SGCD: variants seen among roughly 807,000 people sequenced by gnomAD.
The protein encoded by SGCD is sarcoglycan delta, also known as delta-sarcoglycan.
A neutral mutation model predicts 36.6 loss-of-function variants in SGCD; 18 were observed. That is an observed-to-expected ratio of 0.49 (90% CI 0.34 to 0.73). The LOEUF (loss-of-function observed/expected upper bound fraction) is 0.73, where lower values mean the gene tolerates loss of function less well. Ranked by LOEUF, SGCD falls within the 30% of genes least tolerant of loss-of-function variation. The pLI is 0.01. For synonymous variants in SGCD, 133 were observed against 130.6 expected, an observed-to-expected ratio of 1.02 and a Z score of -0.12; for missense variants, 387 against 346.7, an observed-to-expected ratio of 1.12 and a Z score of -0.92.
At chr5:156,531,385 A>G (rs1378863001) in intron 4 of SGCD, among the ~76,000 whole-genome samples, 1 of 152,252 alleles carries the variant, frequency 6.6e-6, no homozygotes, top group Non-Finnish European at 1.5e-5. Context: ...CAGATGGACT[A>G]AAACAGAAAT....
At chr5:156,324,450 A>G (rs118189733), upstream of SGCD, among the ~76,000 whole-genome samples, 305 of 152,354 alleles carry the variant, frequency 2.0e-3, 6 homozygotes, top group East Asian at 0.042. Context: ...ATTGAAAAAA[A>G]AAAGACTACC....
At chr5:156,482,813 G>T (rs1445685595) in intron 3 of SGCD, among the ~76,000 whole-genome samples, 42 of 83,350 alleles carry the variant, frequency 5.0e-4, no homozygotes, top group South Asian at 2.1e-3. Flanking sequence ...CTTTTGGTCA[G>T]TTTTTTTTTT....
chr5:156,652,812 T>C (rs7731165), intron 7 of SGCD, among the ~76,000 whole-genome samples: 130,494 of 151,956 alleles, frequency 0.86, 56,216 homozygotes, highest in East Asian at 0.98. Context: ...ACAGGGATGT[T>C]GGATTTTATT....
In SGCD at chr5:156,007,145, G is replaced by A. The variant is rs116400023; in HGVS notation, c.-281-110733G>A. On this transcript the variant is annotated intron_variant, in intron 1 of 9. Coordinates refer to the SGCD transcript ENST00000517913. The stretch of plus-strand genomic sequence containing the variant: ...CCTCTAGACTCACCCCTAATCCTTC[G>A]GTAAAGGGTTGACCCCTGGCTGGCA... 5.1e-3 allele frequency among the ~76,000 whole-genome samples: 780 copies of A among 152,200 alleles called. 5 individuals carry two copies. The highest frequency in any genetic ancestry group is 0.023 in the East Asian group (117 of 5,164).
At chr5:156,391,433 G>A (rs545249323) in intron 3 of SGCD, among the ~76,000 whole-genome samples, 17 of 152,230 alleles carry the variant, frequency 1.1e-4, no homozygotes, top group South Asian at 8.3e-4. Context: ...TGGGTTTCCC[G>A]TCTGTGTATT....
At chr5:156,626,463 T>C (rs1018184618) in intron 6 of SGCD, among the ~76,000 whole-genome samples, 2 of 152,156 alleles carry the variant, frequency 1.3e-5, no homozygotes, top group Non-Finnish European at 2.9e-5. Context: ...AGATGAGAGC[T>C]CTCCAGCAGA....
At chr5:156,614,468 T>C (rs916806770) in intron 6 of SGCD, among the ~76,000 whole-genome samples, 7 of 152,182 alleles carry the variant, frequency 4.6e-5, no homozygotes, top group Non-Finnish European at 7.3e-5. Context: ...CAGGTATTCC[T>C]CTCCTTTTTG....
At chr5:156,537,982 T>G (rs1322950793) in intron 4 of SGCD, among the ~76,000 whole-genome samples, 3 of 152,130 alleles carry the variant, frequency 2.0e-5, no homozygotes, top group Non-Finnish European at 1.5e-5. Flanking sequence ...ATCTTTTCCT[T>G]GCAGCCAGAT....
At chr5:155,743,215 AGTT>A in the SGCD span, among the ~76,000 whole-genome samples, 1 of 152,234 alleles carries the variant, frequency 6.6e-6, no homozygotes, top group Non-Finnish European at 1.5e-5. Context: ...ACAATCACAT[AGTT>A]GAGACCTCTG....
At chr5:155,732,076 C>G in the SGCD span, among the ~76,000 whole-genome samples, 1 of 152,158 alleles carries the variant, frequency 6.6e-6, no homozygotes, top group African/African-American at 2.4e-5. Context: ...CACAGTAGTT[C>G]CAGGGGAAGG....
At chr5:155,963,649 C>CT (rs1295983817) in intron 1 of SGCD, among the ~76,000 whole-genome samples, 1 of 152,036 alleles carries the variant, frequency 6.6e-6, no homozygotes, top group Non-Finnish European at 1.5e-5. Context: ...GCTAAGAAAA[C>CT]TGAGACTCAG....
intron 3 of SGCD, among the ~76,000 whole-genome samples, chr5:156,385,399 G>A (rs2127750778): frequency 6.6e-6 from 1 of 152,340 alleles, no homozygotes; most frequent in South Asian, 2.1e-4. Context: ...ATGATTGCAA[G>A]TAAGAAGTTA....
intron 1 of SGCD, among the ~76,000 whole-genome samples, chr5:155,998,755 G>T (rs1282233822): frequency 6.6e-6 from 1 of 152,100 alleles, no homozygotes; most frequent in Non-Finnish European, 1.5e-5. Flanking sequence ...CAAGAATTTT[G>T]CAGAAAGCTT....
At chr5:156,024,754 T>C (rs1042084783) in intron 1 of SGCD, among the ~76,000 whole-genome samples, 66 of 152,210 alleles carry the variant, frequency 4.3e-4, no homozygotes, top group Non-Finnish European at 2.2e-4. Context: ...GTTTAGGAGT[T>C]CGCAACCAGC....
chr5:155,736,322 C>T, the SGCD span, among the ~76,000 whole-genome samples: 1 of 152,156 alleles, frequency 6.6e-6, no homozygotes, highest in Non-Finnish European at 1.5e-5. Context: ...TAACAAGACT[C>T]TGATTATTCA....
At chr5:156,599,088 A>C (rs1260267178) in intron 6 of SGCD, among the ~76,000 whole-genome samples, 3 of 152,152 alleles carry the variant, frequency 2.0e-5, no homozygotes, top group African/African-American at 7.2e-5. Flanking sequence ...GCATCAACCT[A>C]CTCAGTGAAA....
At chr5:155,794,697 G>T in the SGCD span, among the ~76,000 whole-genome samples, 1 of 152,072 alleles carries the variant, frequency 6.6e-6, no homozygotes, top group African/African-American at 2.4e-5. Context: ...TATAAGGTAA[G>T]TGTCTAATGT....
chr5:156,577,698 C>G (rs1760033148), intron 4 of SGCD, among the ~76,000 whole-genome samples: 1 of 152,154 alleles, frequency 6.6e-6, no homozygotes, highest in South Asian at 2.1e-4. Flanking sequence ...GGAGTTCACT[C>G]ATGATTTGGC....
chr5:156,262,363 C>A (rs888110387), intron 3 of SGCD, among the ~76,000 whole-genome samples: 17 of 152,110 alleles, frequency 1.1e-4, no homozygotes, highest in Admixed American at 4.6e-4. Context: ...CAATAACATG[C>A]TGTACAAATT....
Sources: gnomAD v4.1 joint callset for allele counts (sites outside exome capture counted in the v4.1 genomes callset) on GRCh38, gnomAD v4.1.1 for gene constraint, MANE v1.5 for transcripts, NCBI Gene and HGNC (gene_info 2026-07-23, HGNC 2026-07-21) for gene names.